Variants in LRRC52 observed in about 807,000 individuals in gnomAD.
The protein encoded by LRRC52 is leucine rich repeat containing 52, also known as leucine-rich repeat-containing protein 52.
A neutral mutation model predicts 14.7 loss-of-function variants in LRRC52; 15 were observed. The ratio of observed to expected loss-of-function variants is 1.02; its 90% CI spans 0.68 to 1.58. The LOEUF (loss-of-function observed/expected upper bound fraction) is 1.58. Among genes scored for constraint, LRRC52 ranks in the 40% most tolerant of loss-of-function variants. The pLI, the probability that LRRC52 is intolerant of heterozygous loss-of-function variation, is 0.00. For synonymous variants in LRRC52, 180 were observed against 163.9 expected (o/e 1.10, Z -0.75); for missense variants, 400 against 387.7 (o/e 1.03, Z -0.27).
chr1:165,555,001 T>C (rs1053666127), intron 1 of LRRC52, among the ~76,000 whole-genome samples: 3 of 152,192 alleles, frequency 2.0e-5, no homozygotes, highest in African/African-American at 7.2e-5. Flanking sequence ...AGTACATGCA[T>C]TCACTGACAG....
chr1:165,554,774 C>A (rs535842808), intron 1 of LRRC52, among the ~76,000 whole-genome samples: 1 of 152,288 alleles, frequency 6.6e-6, no homozygotes, highest in African/African-American at 2.4e-5. Context: ...GCCTTCTCCT[C>A]AACCCAAATA....
At chr1:165,553,799 T>C (rs1311581468) in intron 1 of LRRC52, among the ~76,000 whole-genome samples, 1 of 152,048 alleles carries the variant, frequency 6.6e-6, no homozygotes, top group African/African-American at 2.4e-5. Flanking sequence ...ACAAATACAA[T>C]TGAGGGGCCC....
In LRRC52 at chr1:165,563,876, C is replaced by CT. The variant is rs1661401699; in HGVS notation, c.*54dup. ...CTCCCCCAGGCTCCCTGCTTTCTCT[C>CT]TTGCCCTCCCCATCCCACCACCTTG... On this transcript the variant is annotated 3_prime_UTR_variant, in exon 2 of 2. Coordinates refer to ENST00000294818, the MANE Select transcript of LRRC52 (RefSeq NM_001005214.4). 1 of 1,551,318 alleles carries CT rather than the reference C, an allele frequency of 6.4e-7. No individual in the cohort carries two copies. The highest frequency in any genetic ancestry group is 1.4e-5 in the African/African-American group (1 of 73,512).
At chr1:165,555,477 G>A (rs910384783) in intron 1 of LRRC52, among the ~76,000 whole-genome samples, 10 of 152,184 alleles carry the variant, frequency 6.6e-5, no homozygotes, top group African/African-American at 2.4e-4. Context: ...CCATGGAGAG[G>A]CTTTTGATTT....
chr1:165,555,992 G>C (rs1321682042), intron 1 of LRRC52, among the ~76,000 whole-genome samples: 1 of 152,228 alleles, frequency 6.6e-6, no homozygotes, highest in East Asian at 1.9e-4. Context: ...GGTCCCAGCC[G>C]CCAGCCCCAC....
At chr1:165,563,382 G>A in intron 1 of LRRC52, 123 bp from the exon 2 acceptor site, 1 of 791,174 alleles carries the variant, frequency 1.3e-6, no homozygotes, top group African/African-American at 1.7e-5. Flanking sequence ...TGTCGATGCT[G>A]CTGGCCCACA....
chr1:165,556,541 G>A (rs1295806903), intron 1 of LRRC52, among the ~76,000 whole-genome samples: 1 of 152,212 alleles, frequency 6.6e-6, no homozygotes, highest in Non-Finnish European at 1.5e-5. Context: ...TAGGCTTTGT[G>A]GGTCTTCATT....
chr1:165,547,924 A>T (rs1409776733), intron 1 of LRRC52, among the ~76,000 whole-genome samples: 1 of 152,216 alleles, frequency 6.6e-6, no homozygotes, highest in Non-Finnish European at 1.5e-5. Context: ...CTCTCAAATG[A>T]TGGTTCATGG....
intron 1 of LRRC52, among the ~76,000 whole-genome samples, chr1:165,558,856 A>G (rs563817387): frequency 2.0e-5 from 3 of 152,370 alleles, no homozygotes; most frequent in East Asian, 3.9e-4. Flanking sequence ...TTACAAAAAT[A>G]TACCTTAAAT....
chr1:165,554,277 C>A (rs4323693), intron 1 of LRRC52, among the ~76,000 whole-genome samples: 2 of 152,038 alleles, frequency 1.3e-5, no homozygotes, highest in African/African-American at 2.4e-5. Flanking sequence ...ACGGGTAAAG[C>A]AATGTGGGTT....
intron 1 of LRRC52, among the ~76,000 whole-genome samples, chr1:165,551,642 C>T (rs1661134542): frequency 6.6e-6 from 1 of 152,102 alleles, no homozygotes; most frequent in Non-Finnish European, 1.5e-5. Flanking sequence ...ATCAGAGGAG[C>T]TTGAGCAAGG....
rs769286858 is a variant in LRRC52, at chr1:165,544,760, T to C, written c.464T>C (p.Leu155Pro). 2 of 1,614,096 alleles carry C rather than the reference T, an allele frequency of 1.2e-6. No homozygotes were observed. The highest frequency in any genetic ancestry group is 1.7e-6 in the Non-Finnish European group (2 of 1,180,018). ...TFANTTSLRY[L>P]DLRNTGLQTL... ...GCCAACACCACCTCTTTGAGGTACC[T>C]GGACCTCAGAAATACCGGCTTGCAG... The change falls in exon 1 of 2, where the codon CTG becomes CCG. Residue 155 changes from leucine to proline, a missense_variant. Leu to Pro is a moderately conservative substitution (Grantham distance 98). Coordinates refer to ENST00000294818, the MANE Select transcript of LRRC52 (RefSeq NM_001005214.4).
chr1:165,544,203 G>GCCCCGCCCCCCC lies in LRRC52; in HGVS notation c.-90_-89insGCCCCCCCCCCC. 2.0e-6 allele frequency: 2 copies of GCCCCGCCCCCCC among 1,001,758 alleles called. No individual in the cohort carries two copies. The highest frequency in any genetic ancestry group is 2.8e-6 in the Non-Finnish European group (2 of 706,268). 62.1% of individuals were successfully genotyped at this position (1,001,758 alleles called of 1,614,324 possible). ...CTAAAGTGTTACAGTTCTTTCCAGA[G>GCCCCGCCCCCCC]CCCCTCCCCCGCCCCACCCCCCCAC... On this transcript the variant is annotated 5_prime_UTR_variant, in exon 1 of 2. Transcript: ENST00000294818.
At position 165,544,178 on chromosome 1, in the gene LRRC52, C is replaced by T; in HGVS notation, c.-119C>T. ...TAATGGAAAATTGCTTTGCACAAAG[C>T]TAAAGTGTTACAGTTCTTTCCAGAG... is the stretch of plus-strand genomic sequence containing the variant. On this transcript the variant is annotated 5_prime_UTR_variant, in exon 1 of 2. Coordinates refer to ENST00000294818, the MANE Select transcript of LRRC52 (RefSeq NM_001005214.4). 1.6e-6 allele frequency: 2 copies of T among 1,281,192 alleles called. No homozygotes were observed. Among genetic ancestry groups the T allele is most frequent in the Admixed American group, 4.6e-5 (2 of 43,578 alleles). 79.4% of individuals were successfully genotyped at this position (1,281,192 alleles called of 1,614,324 possible).
chr1:165,548,454 T>A (rs1661067278), intron 1 of LRRC52, among the ~76,000 whole-genome samples: 1 of 152,184 alleles, frequency 6.6e-6, no homozygotes, highest in Admixed American at 6.5e-5. Flanking sequence ...ATGTCATAGT[T>A]TAGTTGTGCA....
At position 165,544,229 on chromosome 1, in the gene LRRC52, C is replaced by CCCCCCCCCCAG; in HGVS notation, c.-68_-67insCCCCCCCCCAG. ...CCCCTCCCCCGCCCCACCCCCCCAC[C>CCCCCCCCCCAG]GGCAGCCTTCGGATCAGAGGACAGA... On this transcript the variant is annotated 5_prime_UTR_variant, in exon 1 of 2. Transcript: ENST00000294818. 1 of 1,476,568 alleles carries CCCCCCCCCCAG rather than the reference C, an allele frequency of 6.8e-7. No individual in the cohort carries two copies. Among genetic ancestry groups the CCCCCCCCCCAG allele is most frequent in the Non-Finnish European group, 9.1e-7 (1 of 1,101,698 alleles). 91.5% of individuals were successfully genotyped at this position (1,476,568 alleles called of 1,614,324 possible).
At chr1:165,545,038 A>G (rs1660991519) in intron 1 of LRRC52, 120 bp downstream of exon 1, 1 of 1,285,208 alleles carries the variant, frequency 7.8e-7, no homozygotes, top group Non-Finnish European at 1.1e-6. Context: ...ATGCATTCTT[A>G]TTACTCTGCA....
At chr1:165,556,997 T>A (rs999159708) in intron 1 of LRRC52, among the ~76,000 whole-genome samples, 1 of 152,198 alleles carries the variant, frequency 6.6e-6, no homozygotes, top group Non-Finnish European at 1.5e-5. Flanking sequence ...GTTTTAAAAG[T>A]GCTATAGGAG....
intron 1 of LRRC52, among the ~76,000 whole-genome samples, chr1:165,554,426 G>GGTGGTT (rs1553233022): frequency 7.3e-5 from 11 of 150,590 alleles, no homozygotes; most frequent in South Asian, 6.4e-4. Flanking sequence ...AATGATAGGT[G>GGTGGTT]GTTGTTGTTG....
Sources: allele counts gnomAD v4.1 joint callset (sites outside exome capture counted in the v4.1 genomes callset), GRCh38; gene constraint gnomAD v4.1.1; transcripts MANE v1.5; gene names NCBI Gene and HGNC (gene_info 2026-07-23, HGNC 2026-07-21).